SLC2A13: variants seen among roughly 807,000 people sequenced by gnomAD.
The protein encoded by SLC2A13 is solute carrier family 2 member 13.
Under a neutral mutation model 64.4 loss-of-function variants are expected in SLC2A13, and 32 were observed. That is an observed-to-expected ratio of 0.50 (90% CI 0.37 to 0.67). The LOEUF is 0.67. SLC2A13 is among the 30% of genes least tolerant of loss of function. The pLI, the probability that SLC2A13 is intolerant of heterozygous loss-of-function variation, is 0.00. For synonymous variants in SLC2A13, 338 were observed against 327.1 expected, an observed-to-expected ratio of 1.03 and a Z score of -0.36; for missense variants, 743 against 829.2, an observed-to-expected ratio of 0.90 and a Z score of 1.28.
intron 1 of SLC2A13, among the ~76,000 whole-genome samples, chr12:40,090,549 T>C (rs1219395346): frequency 6.6e-6 from 1 of 152,180 alleles, no homozygotes; most frequent in Non-Finnish European, 1.5e-5. Flanking sequence ...AAAGTTTTAA[T>C]GCTTATTAAT....
intron 3 of SLC2A13, among the ~76,000 whole-genome samples, chr12:39,991,806 T>TTG (rs201888042): frequency 6.6e-6 from 1 of 151,734 alleles, no homozygotes; most frequent in Non-Finnish European, 1.5e-5. Flanking sequence ...ACTATCTTTT[T>TTG]AAAAAAAAAT....
intron 4 of SLC2A13, among the ~76,000 whole-genome samples, chr12:39,918,982 A>ATT (rs941316595): frequency 3.0e-4 from 44 of 148,978 alleles, no homozygotes; most frequent in African/African-American, 1.1e-3. Flanking sequence ...ATATCTATAC[A>ATT]TTTTTTTTTT....
chr12:39,959,426 T>TG (rs1253323683), intron 3 of SLC2A13, among the ~76,000 whole-genome samples: 2 of 152,254 alleles, frequency 1.3e-5, no homozygotes, highest in African/African-American at 4.8e-5. Context: ...AAGCTGATCA[T>TG]GGTACATTAG....
intron 2 of SLC2A13, among the ~76,000 whole-genome samples, chr12:40,039,517 A>G (rs1272823531): frequency 1.3e-5 from 2 of 152,170 alleles, no homozygotes; most frequent in African/African-American, 4.8e-5. Context: ...TATTTTAAGT[A>G]TTACGTTTTA....
At chr12:40,001,244 A>C (rs905026814) in intron 3 of SLC2A13, among the ~76,000 whole-genome samples, 25 of 152,368 alleles carry the variant, frequency 1.6e-4, no homozygotes, top group Admixed American at 1.6e-3. Context: ...AACTGGCAGC[A>C]CATACTGGAG....
At chr12:39,996,868 G>A (rs1947240486) in intron 3 of SLC2A13, among the ~76,000 whole-genome samples, 1 of 152,170 alleles carries the variant, frequency 6.6e-6, no homozygotes, top group African/African-American at 2.4e-5. Flanking sequence ...ATAAAACACT[G>A]CTGAAAGAAA....
Position 39,891,575 on chromosome 12 carries a change from G to A in SLC2A13, c.1035-19614C>T, listed in dbSNP as rs77721869. ...GTGAAATGCATTGCTTCCTGAGTTC[G>A]ACAGTGAAGATTAAGGCAGGAACTT... On this transcript the variant is annotated intron_variant, in intron 4 of 9. Coordinates refer to ENST00000280871, the MANE Select transcript of SLC2A13 (RefSeq NM_052885.4). 3.8e-3 allele frequency among the ~76,000 whole-genome samples: 581 copies of A among 152,148 alleles called. 3 individuals are homozygous for A. The highest frequency in any genetic ancestry group is 6.7e-3 in the Non-Finnish European group (454 of 67,996).
intron 7 of SLC2A13, among the ~76,000 whole-genome samples, chr12:39,774,778 T>A (rs571375980): frequency 6.6e-6 from 1 of 152,210 alleles, no homozygotes; most frequent in African/African-American, 2.4e-5. Context: ...TTTTCCTGAA[T>A]AAAATATTAT....
chr12:39,774,825 T>TA (rs1414284175), intron 7 of SLC2A13, among the ~76,000 whole-genome samples: 31 of 152,216 alleles, frequency 2.0e-4, no homozygotes, highest in South Asian at 2.1e-4. Context: ...TCCTTATCGG[T>TA]ATATTGACTA....
chr12:39,891,980 T>C (rs562546162), intron 4 of SLC2A13, among the ~76,000 whole-genome samples: 104 of 152,316 alleles, frequency 6.8e-4, no homozygotes, highest in African/African-American at 2.5e-3. Context: ...GAACGATTTT[T>C]TTACTAGGTT....
intron 4 of SLC2A13, among the ~76,000 whole-genome samples, chr12:39,873,127 T>C (rs1255280223): frequency 6.6e-6 from 1 of 152,116 alleles, no homozygotes; most frequent in Non-Finnish European, 1.5e-5. Flanking sequence ...GACTCATTCA[T>C]CTTGAAAAAA....
chr12:39,833,584 T>C (rs766007719), intron 6 of SLC2A13, among the ~76,000 whole-genome samples: 2 of 152,028 alleles, frequency 1.3e-5, no homozygotes, highest in Non-Finnish European at 2.9e-5. Context: ...CTGAACACTT[T>C]TCAACCTCTA....
At chr12:39,829,963 AC>A (rs1217865547) in intron 7 of SLC2A13, 139 bp downstream of exon 7, 1 of 1,035,760 alleles carries the variant, frequency 9.7e-7, no homozygotes. Context: ...ATCCACTATC[AC>A]CAGTATATGC....
chr12:40,077,487 C>A (rs1318196638), intron 1 of SLC2A13, among the ~76,000 whole-genome samples: 1 of 152,130 alleles, frequency 6.6e-6, no homozygotes, highest in Non-Finnish European at 1.5e-5. Flanking sequence ...TTTCTGGGTT[C>A]TCTAACCTGT....
At chr12:39,805,301 G>T (rs1941943233) in intron 7 of SLC2A13, among the ~76,000 whole-genome samples, 1 of 152,178 alleles carries the variant, frequency 6.6e-6, no homozygotes, top group African/African-American at 2.4e-5. Context: ...TGGCTGCTCT[G>T]CTTTGCAGGG....
chr12:39,812,762 G>A (rs978051822), intron 7 of SLC2A13, among the ~76,000 whole-genome samples: 2 of 150,390 alleles, frequency 1.3e-5, no homozygotes, highest in Non-Finnish European at 3.0e-5. Context: ...GTGAGTCATT[G>A]CACCTGGCGG....
chr12:39,814,616 G>A (rs182739899), intron 7 of SLC2A13, among the ~76,000 whole-genome samples: 199 of 152,234 alleles, frequency 1.3e-3, no homozygotes, highest in African/African-American at 4.5e-3. Context: ...GAATGGAAAA[G>A]CACATTTTAA....
At chr12:40,022,634 C>G (rs1222067276) in intron 3 of SLC2A13, among the ~76,000 whole-genome samples, 1 of 152,174 alleles carries the variant, frequency 6.6e-6, no homozygotes, top group African/African-American at 2.4e-5. Context: ...GTCAGGAGTT[C>G]AAGGCCAGCC....
At chr12:39,886,202 C>T (rs941040497) in intron 4 of SLC2A13, among the ~76,000 whole-genome samples, 1 of 152,076 alleles carries the variant, frequency 6.6e-6, no homozygotes, top group Non-Finnish European at 1.5e-5. Context: ...TGAACTGTAA[C>T]AGCCCTGGGC....
Sources: gnomAD v4.1 joint callset for allele counts (sites outside exome capture counted in the v4.1 genomes callset) on GRCh38, gnomAD v4.1.1 for gene constraint, MANE v1.5 for transcripts, NCBI Gene and HGNC (gene_info 2026-07-23, HGNC 2026-07-21) for gene names.